Variants in TXNRD2 observed in about 807,000 individuals in gnomAD.
TXNRD2 encodes thioredoxin reductase 2, mitochondrial.
A neutral mutation model predicts 70.8 loss-of-function variants in TXNRD2; 67 were observed. The observed-to-expected ratio is 0.95, with a 90% CI of 0.78 to 1.16. The LOEUF (loss-of-function observed/expected upper bound fraction) is 1.16, where lower values mean the gene tolerates loss of function less well. TXNRD2 is among the 50% of genes most tolerant of loss of function. TXNRD2 has a pLI of 0.00. For missense variants in TXNRD2, 644 were observed against 719.9 expected (o/e 0.89, Z 1.21); for synonymous variants, 301 against 295.8 (o/e 1.02, Z -0.18).
At chr22:19,879,076 C>A (rs1470812380) in intron 14 of TXNRD2, among the ~76,000 whole-genome samples, 1 of 152,228 alleles carries the variant, frequency 6.6e-6, no homozygotes, top group African/African-American at 2.4e-5. Flanking sequence ...GAGTATTTGG[C>A]CATTCAACAT....
At chr22:19,881,928 C>G (rs114311075) in intron 12 of TXNRD2, among the ~76,000 whole-genome samples, 2,898 of 152,314 alleles carry the variant, frequency 0.019, 90 homozygotes, top group African/African-American at 0.067. Context: ...CAGGACCCTG[C>G]AGGGTCTGCC....
chr22:19,907,106 T>C (rs543313809), intron 8 of TXNRD2, among the ~76,000 whole-genome samples: 46 of 103,310 alleles, frequency 4.5e-4, no homozygotes, highest in African/African-American at 1.7e-3. Context: ...GCGCCATGGG[T>C]AGCAGTGACG....
At chr22:19,893,030 G>A (rs542334795) in intron 11 of TXNRD2, among the ~76,000 whole-genome samples, 1 of 152,322 alleles carries the variant, frequency 6.6e-6, no homozygotes, top group South Asian at 2.1e-4. Context: ...TCACCTCTGC[G>A]CTTGTGTCCA....
In TXNRD2 at chr22:19,877,244, G is replaced by C; in HGVS notation, c.1446-10C>G. On this transcript the variant is annotated splice_polypyrimidine_tract_variant and intron_variant, in intron 16 of 17. Coordinates refer to ENST00000400521, the MANE Select transcript of TXNRD2 (RefSeq NM_006440.5). ...ATAGGAAGCCCCACACCTGCACATG[G>C]GGGATGGGGGAGGCAGGCGGGGTCA... 10 of 1,606,232 alleles carry C rather than the reference G, an allele frequency of 6.2e-6. No individual in the cohort carries two copies. The highest frequency in any genetic ancestry group is 8.5e-6 in the Non-Finnish European group (10 of 1,174,574).
chr22:19,896,072 C>T (rs1022002965), intron 10 of TXNRD2, among the ~76,000 whole-genome samples: 7 of 151,952 alleles, frequency 4.6e-5, no homozygotes, highest in East Asian at 1.9e-4. Context: ...CTGAGGCGGG[C>T]GGATCACGAG....
At position 19,910,232 on chromosome 22, in the gene TXNRD2, G is replaced by A. The variant is rs185783563; in HGVS notation, c.662+1145C>T. 2.4e-3 allele frequency among the ~76,000 whole-genome samples: 373 copies of A among 152,338 alleles called. 1 individual carries two copies. The highest frequency in any genetic ancestry group is 3.3e-3 in the Non-Finnish European group (224 of 68,026). ...CTGTGGGCATCGGAATGCACTTAGT[G>A]ACTCTGCACCTGCTCCCATGGGGAG... On this transcript the variant is annotated intron_variant, in intron 8 of 17. Coordinates refer to ENST00000400521, the MANE Select transcript of TXNRD2 (RefSeq NM_006440.5).
intron 11 of TXNRD2, among the ~76,000 whole-genome samples, chr22:19,886,283 C>T (rs947311597): frequency 4.0e-4 from 61 of 152,248 alleles, no homozygotes; most frequent in African/African-American, 1.3e-3. Flanking sequence ...CGTCCCTAGC[C>T]GTGGCCAGCC....
rs779336596 is a variant in TXNRD2, at chr22:19,880,163, T to C, written c.1275+16A>G. Reference sequence around the variant, plus strand: ...GAGTCGCCACTGTCCTCAGCTGTGCTGCTCCCAGGCCTCACCTCAACATGC... The same window carrying C: ...GAGTCGCCACTGTCCTCAGCTGTGCCGCTCCCAGGCCTCACCTCAACATGC... On this transcript the variant is annotated intron_variant, in intron 14 of 17. Coordinates refer to ENST00000400521, the MANE Select transcript of TXNRD2 (RefSeq NM_006440.5). 6.2e-7 allele frequency: 1 copy of C among 1,612,242 alleles called. No individual in the cohort carries two copies. The highest frequency in any genetic ancestry group is 1.1e-5 in the South Asian group (1 of 91,076).
intron 11 of TXNRD2, among the ~76,000 whole-genome samples, chr22:19,890,949 G>A (rs892038687): frequency 8.5e-5 from 13 of 152,126 alleles, no homozygotes; most frequent in African/African-American, 3.1e-4. Context: ...CATCTCCTGG[G>A]CACCCCAGTC....
rs35325963 is a variant in TXNRD2 at position 19,936,605 on chromosome 22, C to T, written c.103+5096G>A. On this transcript the variant is annotated intron_variant, in intron 1 of 17. Transcript: ENST00000400521. The stretch of plus-strand genomic sequence containing the variant: ...CCTCCTATCATTTTGGTCCCTCAAC[C>T]GGTCACTTTGCCATCCACTCAACCT... Among the ~76,000 whole-genome samples the T allele has an allele frequency of 7.8e-3, 1,186 of 152,208 alleles. 5 individuals carry two copies. Among genetic ancestry groups the T allele is most frequent in the Non-Finnish European group, 0.011 (766 of 68,008 alleles).
chr22:19,896,265 TC>T (rs1939503275), intron 10 of TXNRD2, among the ~76,000 whole-genome samples: 1 of 151,418 alleles, frequency 6.6e-6, no homozygotes, highest in Admixed American at 6.6e-5. Flanking sequence ...GCCACTGCAC[TC>T]CAGCCTGGGT....
intron 2 of TXNRD2, among the ~76,000 whole-genome samples, chr22:19,930,622 C>T (rs1264159618): frequency 6.6e-6 from 1 of 152,256 alleles, no homozygotes; most frequent in African/African-American, 2.4e-5. Flanking sequence ...GCAGCTCCAG[C>T]CTCGCAGCTA....
At chr22:19,936,763 C>T (rs548935996) in intron 1 of TXNRD2, among the ~76,000 whole-genome samples, 4 of 152,230 alleles carry the variant, frequency 2.6e-5, no homozygotes, top group Non-Finnish European at 4.4e-5. Flanking sequence ...TATACCAGTC[C>T]GACCCCGTCA....
At chr22:19,895,725 AC>A in intron 10 of TXNRD2, 144 bp from the exon 11 acceptor site, 1 of 907,112 alleles carries the variant, frequency 1.1e-6, no homozygotes. Flanking sequence ...CCCCTGCTCT[AC>A]GTCCTCTTGC....
At chr22:19,914,171 A>G (rs564843232) in intron 7 of TXNRD2, among the ~76,000 whole-genome samples, 3 of 152,378 alleles carry the variant, frequency 2.0e-5, no homozygotes, top group South Asian at 4.1e-4. Flanking sequence ...TGTGGAAAAC[A>G]GTCTGAGGTT....
intron 8 of TXNRD2, among the ~76,000 whole-genome samples, chr22:19,902,367 G>A (rs967130907): frequency 1.3e-5 from 2 of 152,190 alleles, no homozygotes; most frequent in African/African-American, 4.8e-5. Context: ...AGAAACAAAA[G>A]CATTAATTCA....
At chr22:19,895,375 G>A (rs369769625) in intron 11 of TXNRD2, 32 bp downstream of exon 11, 20 of 1,613,528 alleles carry the variant, frequency 1.2e-5, no homozygotes, top group Non-Finnish European at 1.6e-5. Flanking sequence ...GGGGAGACCA[G>A]AGACAGAGCG....
chr22:19,906,133 G>A (rs1322159021), intron 8 of TXNRD2, among the ~76,000 whole-genome samples: 4 of 152,126 alleles, frequency 2.6e-5, no homozygotes, highest in Non-Finnish European at 5.9e-5. Context: ...GGTAAGAAGA[G>A]ATAAGAGAAG....
chr22:19,936,816 T>A (rs921899193), intron 1 of TXNRD2, among the ~76,000 whole-genome samples: 1 of 152,200 alleles, frequency 6.6e-6, no homozygotes, highest in Admixed American at 6.5e-5. Context: ...CTGTCACTTC[T>A]ATGCCGACTC....
Sources: gnomAD v4.1 joint callset for allele counts (sites outside exome capture counted in the v4.1 genomes callset) on GRCh38, gnomAD v4.1.1 for gene constraint, MANE v1.5 for transcripts, NCBI Gene and HGNC (gene_info 2026-07-23, HGNC 2026-07-21) for gene names.